Variants in HERC2 observed in about 807,000 individuals in gnomAD.
HERC2 encodes E3 ubiquitin-protein ligase HERC2.
HERC2 carries 102 observed loss-of-function variants against 537.7 expected under a neutral mutation model. The ratio of observed to expected loss-of-function variants is 0.19; its 90% CI spans 0.16 to 0.22. The LOEUF is 0.22. HERC2 is among the 10% of genes least tolerant of loss of function. The probability of loss-of-function intolerance (pLI) is 1.00; values close to 1 mark genes in which losing one functional copy is unlikely to be tolerated. For missense variants in HERC2, 4,236 were observed against 6,198.2 expected (o/e 0.68, Z 10.63); for synonymous variants, 2,224 against 2,466.2 (o/e 0.90, Z 2.91).
In HERC2 at chr15:28,210,583, C is replaced by G. The variant is rs566552120; in HGVS notation, c.7069+419G>C. Among the ~76,000 whole-genome samples, 10 of 152,240 alleles carry G rather than the reference C, an allele frequency of 6.6e-5. No homozygotes were observed. In the South Asian group the frequency reaches 2.1e-3, roughly 32 times the overall value. The stretch of plus-strand genomic sequence containing the variant: ...GACGCCCATTAGATGGCTACACCAA[C>G]TGAAATTCCCAGCAGCAGCCTGTTC... On this transcript the variant is annotated intron_variant, in intron 44 of 92. Transcript: ENST00000261609.
intron 39 of HERC2, 145 bp from the exon 40 acceptor site, chr15:28,214,947 A>G: frequency 1.5e-6 from 1 of 650,872 alleles, no homozygotes; most frequent in South Asian, 2.0e-5. Context: ...GTCTCGGCTC[A>G]CTACAAACTC....
intron 79 of HERC2, among the ~76,000 whole-genome samples, chr15:28,135,016 A>G (rs1194600597): frequency 3.9e-5 from 6 of 152,164 alleles, no homozygotes; most frequent in African/African-American, 1.4e-4. Flanking sequence ...TCCTAGGATA[A>G]GAAGGCCCCT....
chr15:28,304,391 G>C (rs1440503625), intron 2 of HERC2, among the ~76,000 whole-genome samples: 1 of 145,000 alleles, frequency 6.9e-6, no homozygotes, highest in Admixed American at 7.0e-5. Flanking sequence ...TTCCTGAGAT[G>C]GAGTCTTGCT....
intron 84 of HERC2, among the ~76,000 whole-genome samples, 168 bp downstream of exon 84, chr15:28,124,838 C>T (rs1448523371): frequency 6.6e-6 from 1 of 152,264 alleles, no homozygotes; most frequent in African/African-American, 2.4e-5. Flanking sequence ...GTGTGAGCCA[C>T]CACAACCAGC....
intron 35 of HERC2, among the ~76,000 whole-genome samples, chr15:28,223,787 G>A (rs1465580751): frequency 6.6e-5 from 10 of 152,112 alleles, no homozygotes; most frequent in Admixed American, 6.5e-4. Context: ...ATCAGGGCAG[G>A]CCGCAAATAT....
At chr15:28,139,782 C>T (rs1050170343) in intron 78 of HERC2, among the ~76,000 whole-genome samples, 4 of 151,914 alleles carry the variant, frequency 2.6e-5, no homozygotes, top group South Asian at 2.1e-4. Context: ...AAACATTGGC[C>T]GGGCACGGTA....
At chr15:28,130,437 AGGT>A (rs1889987032) in intron 82 of HERC2, 63 bp downstream of exon 82, 1 of 1,576,974 alleles carries the variant, frequency 6.3e-7, no homozygotes, top group South Asian at 1.1e-5. Context: ...ATCCATGAAA[AGGT>A]GGTGCACATA....
At chr15:28,212,631 A>G (rs1205590022) in intron 42 of HERC2, 48 bp from the exon 43 acceptor site, 9 of 1,599,664 alleles carry the variant, frequency 5.6e-6, no homozygotes, top group Non-Finnish European at 6.8e-6. Context: ...ACGACTAACA[A>G]ATGAAACGTT....
intron 69 of HERC2, 21 bp from the exon 70 acceptor site, chr15:28,152,851 T>C (rs753633070): frequency 1.3e-6 from 2 of 1,555,120 alleles, no homozygotes; most frequent in African/African-American, 2.7e-5. Flanking sequence ...AGCAAGGACA[T>C]GAATGAGGGG....
In HERC2 at chr15:28,257,206, A is replaced by C; in HGVS notation, c.2372T>G (p.Val791Gly). The C allele has an allele frequency of 1.2e-6, 2 of 1,613,926 alleles. No homozygotes were observed. Among genetic ancestry groups the C allele is most frequent in the Non-Finnish European group, 1.7e-6 (2 of 1,179,842 alleles). The stretch of plus-strand genomic sequence containing the variant: ...AAAAGTCATTGAGCAGATGTCCACC[A>C]CAAAAGGGACACGGAGGCCAATGGA... ...EWSIGLRVPF[V>G]VDICSMTFEQ... Residue 791 changes from valine to glycine, a missense_variant, in exon 17 of 93, where the codon GTG (valine) becomes GGG (glycine). Val to Gly is a moderately radical substitution (Grantham distance 109, BLOSUM62 -3). Coordinates refer to ENST00000261609, the MANE Select transcript of HERC2 (RefSeq NM_004667.6).
chr15:28,128,194 G>C (rs1889714792), intron 83 of HERC2, among the ~76,000 whole-genome samples: 1 of 152,230 alleles, frequency 6.6e-6, no homozygotes, highest in Admixed American at 6.5e-5. Flanking sequence ...ATGATGCCAG[G>C]CACTGAGAGA....
rs987432049 is a variant in HERC2, at chr15:28,292,794, A to G, written c.322+94T>C. 3.1e-6 allele frequency: 4 copies of G among 1,284,534 alleles called. No homozygotes were observed. In the African/African-American group the frequency reaches 6.1e-5, roughly 19 times the overall value. 79.6% of individuals were successfully genotyped at this position (1,284,534 alleles called of 1,614,324 possible). A position where few individuals can be genotyped will look rare whatever the true frequency, so the allele number is the denominator to read the frequency against. ...AAATTTTTTATTTACTTTTTTTAAA[A>G]TTGTTACCAAAAAAATACTAAGAAT... On this transcript the variant is annotated intron_variant, in intron 4 of 92. Coordinates refer to ENST00000261609, the MANE Select transcript of HERC2 (RefSeq NM_004667.6).
At chr15:28,196,081 G>A (rs1303961191) in intron 52 of HERC2, 134 bp downstream of exon 52, 10 of 653,162 alleles carry the variant, frequency 1.5e-5, no homozygotes, top group Admixed American at 8.9e-5. Context: ...CGTCACTTCC[G>A]TCTCACTGTA....
At chr15:28,200,254 G>A (rs1306414383) in intron 48 of HERC2, among the ~76,000 whole-genome samples, 1 of 152,162 alleles carries the variant, frequency 6.6e-6, no homozygotes, top group African/African-American at 2.4e-5. Context: ...AAATTAACCA[G>A]GCATGTGGTG....
chr15:28,153,881 G>A (rs1423990965), intron 69 of HERC2, among the ~76,000 whole-genome samples: 1 of 152,056 alleles, frequency 6.6e-6, no homozygotes, highest in Non-Finnish European at 1.5e-5. Context: ...CCGGTGGGAG[G>A]GGCGGGAATC....
At position 28,274,450 on chromosome 15, in the gene HERC2, G is replaced by A. The variant is rs1300196046; in HGVS notation, c.644-3C>T. The stretch of plus-strand genomic sequence containing the variant: ...ACTGCAGAGGTCCGCATCCTCGCCT[G>A]GGCGCACACACGCGTCAGAGGAGCC... On this transcript the variant is annotated splice_polypyrimidine_tract_variant and splice_region_variant and intron_variant, in intron 6 of 92. Coordinates refer to ENST00000261609, the MANE Select transcript of HERC2 (RefSeq NM_004667.6). 3 of 1,607,248 alleles carry A rather than the reference G, an allele frequency of 1.9e-6. No individual in the cohort carries two copies. The highest frequency in any genetic ancestry group is 2.3e-5 in the East Asian group (1 of 44,406).
rs144798127 is a variant in HERC2, at chr15:28,274,884, G to A, written c.643+21C>T. Reference sequence around the variant, plus strand: ...TGATGTATTAGGGAAGCAGAACAACGCGCCACACCAGGGACCGTACCTGAT... The same window carrying A: ...TGATGTATTAGGGAAGCAGAACAACACGCCACACCAGGGACCGTACCTGAT... On this transcript the variant is annotated intron_variant, in intron 6 of 92. Coordinates refer to ENST00000261609, the MANE Select transcript of HERC2 (RefSeq NM_004667.6). The A allele has an allele frequency of 2.5e-4, 391 of 1,584,794 alleles. 1 individual carries two copies. The African/African-American group carries it at 4.6e-3, about 19-fold the overall frequency.
intron 39 of HERC2, 66 bp from the exon 40 acceptor site, chr15:28,214,868 A>T (rs550395129): frequency 7.5e-7 from 1 of 1,329,040 alleles, no homozygotes; most frequent in East Asian, 2.4e-5. Context: ...ACAGATTGTT[A>T]TTTTTTTATT....
rs115740455 is a variant in HERC2 at position 28,263,418 on chromosome 15, T to C, written c.1871-249A>G. On this transcript the variant is annotated intron_variant, in intron 14 of 92. Transcript: ENST00000261609. Reference sequence around the variant, plus strand: ...TCCATGAAAAACAAAGTCCTGACTCTTACTAGCCTGGGCTCAATGTTAACT... The same window carrying C: ...TCCATGAAAAACAAAGTCCTGACTCCTACTAGCCTGGGCTCAATGTTAACT... Among the ~76,000 whole-genome samples the C allele has an allele frequency of 2.1e-3, 316 of 152,264 alleles. 1 individual carries two copies. The highest frequency in any genetic ancestry group is 7.2e-3 in the African/African-American group (299 of 41,548).
Sources: allele counts gnomAD v4.1 joint callset (sites outside exome capture counted in the v4.1 genomes callset), GRCh38; gene constraint gnomAD v4.1.1; transcripts MANE v1.5; gene names NCBI Gene and HGNC (gene_info 2026-07-23, HGNC 2026-07-21).